The following SPATA17 variants were observed in gnomAD, a reference collection of about 807,000 sequenced individuals.
SPATA17 encodes spermatogenesis associated 17.
A neutral mutation model predicts 62.2 loss-of-function variants in SPATA17; 53 were observed. That is an observed-to-expected ratio of 0.85 (90% CI 0.68 to 1.07). The LOEUF (loss-of-function observed/expected upper bound fraction) is 1.07, where lower values mean the gene tolerates loss of function less well. Ranked by LOEUF, SPATA17 falls within the 50% of genes least tolerant of loss-of-function variation. The pLI is 0.00. For synonymous variants in SPATA17, 146 were observed against 146.8 expected (o/e 0.99, Z 0.04); for missense variants, 466 against 425.5 (o/e 1.10, Z -0.84).
chr1:217,794,312 G>GT (rs1247026083), intron 8 of SPATA17, among the ~76,000 whole-genome samples: 3 of 152,030 alleles, frequency 2.0e-5, no homozygotes, highest in Non-Finnish European at 4.4e-5. Flanking sequence ...ATAGTCTTCT[G>GT]TTTAAAAATC....
At chr1:217,675,262 A>G (rs1670921572) in intron 4 of SPATA17, among the ~76,000 whole-genome samples, 1 of 152,202 alleles carries the variant, frequency 6.6e-6, no homozygotes, top group African/African-American at 2.4e-5. Flanking sequence ...TAAATGGGAT[A>G]TAACACTGTG....
chr1:217,727,318 C>T (rs2102938841), intron 5 of SPATA17, among the ~76,000 whole-genome samples: 1 of 150,620 alleles, frequency 6.6e-6, no homozygotes, highest in Admixed American at 6.6e-5. Flanking sequence ...TTATACATGG[C>T]TCCTCTCAAT....
At chr1:217,678,350 A>C (rs1671002703) in intron 4 of SPATA17, among the ~76,000 whole-genome samples, 1 of 151,262 alleles carries the variant, frequency 6.6e-6, no homozygotes, top group South Asian at 2.1e-4. Flanking sequence ...CTGGGATTAC[A>C]GGCTCCTGCC....
intron 5 of SPATA17, among the ~76,000 whole-genome samples, chr1:217,697,043 C>G (rs1671475627): frequency 6.6e-6 from 1 of 152,210 alleles, no homozygotes; most frequent in African/African-American, 2.4e-5. Flanking sequence ...CAGTCTTGCT[C>G]TGTCACCCAG....
chr1:217,776,926 A>G (rs1385903582), intron 7 of SPATA17, among the ~76,000 whole-genome samples: 1 of 152,116 alleles, frequency 6.6e-6, no homozygotes, highest in African/African-American at 2.4e-5. Context: ...AACAGAAGCC[A>G]CAGGCTTATA....
At chr1:217,696,259 G>A (rs922519639) in intron 5 of SPATA17, among the ~76,000 whole-genome samples, 5 of 152,148 alleles carry the variant, frequency 3.3e-5, no homozygotes, top group African/African-American at 1.2e-4. Flanking sequence ...CGATTTTCCA[G>A]GTGCGTCCGT....
At chr1:217,661,961 C>A (rs372504045) in intron 3 of SPATA17, among the ~76,000 whole-genome samples, 1 of 152,128 alleles carries the variant, frequency 6.6e-6, no homozygotes. Flanking sequence ...TTACTCCATT[C>A]GTTTCATAAA....
chr1:217,674,756 C>T (rs1670909927), intron 4 of SPATA17, among the ~76,000 whole-genome samples: 1 of 152,198 alleles, frequency 6.6e-6, no homozygotes, highest in African/African-American at 2.4e-5. Context: ...CCTGCTCTGG[C>T]CTGTGGCTCC....
chr1:217,759,196 C>T (rs749809557), intron 6 of SPATA17, among the ~76,000 whole-genome samples: 23 of 152,120 alleles, frequency 1.5e-4, no homozygotes, highest in Admixed American at 3.9e-4. Flanking sequence ...TGGTGGCTCA[C>T]GCTTGTAATC....
At chr1:217,821,876 A>T (rs1558064913) in intron 9 of SPATA17, among the ~76,000 whole-genome samples, 1 of 152,090 alleles carries the variant, frequency 6.6e-6, no homozygotes, top group Non-Finnish European at 1.5e-5. Context: ...TGTCCTTAGA[A>T]ATGAGTTCCT....
At chr1:217,803,967 G>C (rs1336407985) in intron 9 of SPATA17, among the ~76,000 whole-genome samples, 1 of 151,936 alleles carries the variant, frequency 6.6e-6, no homozygotes, top group African/African-American at 2.4e-5. Flanking sequence ...GCAGTGAGCT[G>C]AGATCGTGCC....
At chr1:217,687,078 A>G (rs1054155013) in intron 5 of SPATA17, among the ~76,000 whole-genome samples, 3 of 152,154 alleles carry the variant, frequency 2.0e-5, no homozygotes, top group African/African-American at 4.8e-5. Flanking sequence ...AATTTTTGCT[A>G]TTGTAAACAT....
At chr1:217,769,354 C>T (rs150372281) in intron 6 of SPATA17, among the ~76,000 whole-genome samples, 1 of 152,166 alleles carries the variant, frequency 6.6e-6, no homozygotes, top group African/African-American at 2.4e-5. Flanking sequence ...TGCACTATAT[C>T]CCTCTGAGGG....
chr1:217,762,281 C>G (rs999582690), intron 6 of SPATA17, among the ~76,000 whole-genome samples: 1 of 152,156 alleles, frequency 6.6e-6, no homozygotes, highest in African/African-American at 2.4e-5. Flanking sequence ...TTCAGACCCA[C>G]TCTTACAACA....
At chr1:217,849,517 A>G (rs932231329) in intron 9 of SPATA17, among the ~76,000 whole-genome samples, 16 of 151,350 alleles carry the variant, frequency 1.1e-4, no homozygotes, top group Non-Finnish European at 2.2e-4. Flanking sequence ...AGAAATGAAA[A>G]CTAAATATAT....
At chr1:217,682,761 GTTA>G (rs150419289) in intron 4 of SPATA17, among the ~76,000 whole-genome samples, 1,862 of 152,198 alleles carry the variant, frequency 0.012, 28 homozygotes, top group African/African-American at 0.036. Context: ...AGCTATTTTT[GTTA>G]TTGTTAAGGA....
chr1:217,733,460 C>A (rs1289728843), intron 5 of SPATA17, among the ~76,000 whole-genome samples: 2 of 152,140 alleles, frequency 1.3e-5, no homozygotes, highest in Non-Finnish European at 2.9e-5. Flanking sequence ...TCCATGAAAC[C>A]TTTTCTGATC....
chr1:217,741,900 C>A, intron 5 of SPATA17, 75 bp from the exon 6 acceptor site: 1 of 1,574,786 alleles, frequency 6.4e-7, no homozygotes. Context: ...CTCAAAAAAA[C>A]TGATTTATCA....
chr1:217,633,027 G>C (rs1381481859), intron 1 of SPATA17, among the ~76,000 whole-genome samples: 1 of 151,956 alleles, frequency 6.6e-6, no homozygotes, highest in African/African-American at 2.4e-5. Flanking sequence ...GCAAAACCCT[G>C]TCTCTCCTAA....
Sources: gnomAD v4.1 joint callset for allele counts (sites outside exome capture counted in the v4.1 genomes callset) on GRCh38, gnomAD v4.1.1 for gene constraint, MANE v1.5 for transcripts, NCBI Gene and HGNC (gene_info 2026-07-23, HGNC 2026-07-21) for gene names.